Variants in B3GALT1 observed in about 807,000 individuals in gnomAD.
The protein encoded by B3GALT1 is UDP-Gal:betaGlcNAc beta 1,3-galactosyltransferase, polypeptide 1.
In B3GALT1, 10 loss-of-function variants were observed where a neutral mutation model predicts 23.2. That is an observed-to-expected ratio of 0.43 (90% confidence interval 0.27 to 0.73). The LOEUF is 0.73. Ranked by LOEUF, B3GALT1 falls within the 30% of genes least tolerant of loss-of-function variation. B3GALT1 has a pLI of 0.21. For synonymous variants in B3GALT1, 156 were observed against 141.5 expected (o/e 1.10, Z -0.73); for missense variants, 299 against 405.4 (o/e 0.74, Z 2.25).
rs576908510 is a variant in B3GALT1 at position 167,327,560 on chromosome 2, G to A, written c.-511+34226G>A. Among the ~76,000 whole-genome samples the A allele has an allele frequency of 2.0e-5, 3 of 152,034 alleles. No individual in the cohort carries two copies. The South Asian group carries it at 6.2e-4, about 32-fold the overall frequency. On this transcript the variant is annotated intron_variant, in intron 1 of 4. Transcript: ENST00000392690. ...GTGTATAGATATGCTACTGATTTTT[G>A]TATGTTGATTTTCTGTCCTGGAACT...
intron 2 of B3GALT1, among the ~76,000 whole-genome samples, chr2:167,565,122 G>C (rs1684129558): frequency 6.6e-6 from 1 of 152,174 alleles, no homozygotes; most frequent in African/African-American, 2.4e-5. Flanking sequence ...CAAGGCTACA[G>C]TAACCAAAAC....
At chr2:167,737,681 A>C (rs183454458) in intron 3 of B3GALT1, among the ~76,000 whole-genome samples, 22 of 152,322 alleles carry the variant, frequency 1.4e-4, no homozygotes, top group African/African-American at 4.8e-4. Context: ...CTGTCAATGG[A>C]GGGAACTGTA....
At chr2:167,680,299 C>A (rs949261106) in intron 3 of B3GALT1, among the ~76,000 whole-genome samples, 1 of 152,104 alleles carries the variant, frequency 6.6e-6, no homozygotes, top group African/African-American at 2.4e-5. Context: ...GGATTTGTTT[C>A]TACATTTCAG....
In B3GALT1 at chr2:167,457,691, G is replaced by A. The variant is rs182757671; in HGVS notation, c.-510-32486G>A. ...TGAGGACCAGCAGAATGGCTGTGGT[G>A]TAGGCTGCTCATCTTGACTGAATCA... On this transcript the variant is annotated intron_variant, in intron 1 of 4. Transcript: ENST00000392690. 3.7e-3 allele frequency among the ~76,000 whole-genome samples: 570 copies of A among 152,224 alleles called. 5 individuals are homozygous for A. Among genetic ancestry groups the A allele is most frequent in the South Asian group, 0.014 (67 of 4,824 alleles).
intron 3 of B3GALT1, among the ~76,000 whole-genome samples, chr2:167,693,464 A>T (rs1242374325): frequency 6.6e-6 from 1 of 152,120 alleles, no homozygotes; most frequent in Non-Finnish European, 1.5e-5. Context: ...ATAGAACTGT[A>T]GGCTTCATCC....
intron 1 of B3GALT1, among the ~76,000 whole-genome samples, chr2:167,325,781 G>A (rs113927300): frequency 2.0e-5 from 3 of 146,608 alleles, no homozygotes; most frequent in Admixed American, 6.9e-5. Context: ...GCAGTGGTGC[G>A]ATCTCAGCTC....
At chr2:167,655,356 GT>G (rs1490339407) in intron 3 of B3GALT1, among the ~76,000 whole-genome samples, 3 of 152,124 alleles carry the variant, frequency 2.0e-5, no homozygotes, top group African/African-American at 7.2e-5. Context: ...GAATTCAAGA[GT>G]TCAGAAGAAA....
chr2:167,551,829 G>A (rs1683753369), intron 2 of B3GALT1, among the ~76,000 whole-genome samples: 1 of 152,180 alleles, frequency 6.6e-6, no homozygotes, highest in African/African-American at 2.4e-5. Context: ...TATGTGAGAA[G>A]TGGCACTATG....
At chr2:167,557,410 A>G (rs1683873960) in intron 2 of B3GALT1, among the ~76,000 whole-genome samples, 1 of 152,190 alleles carries the variant, frequency 6.6e-6, no homozygotes, top group Admixed American at 6.5e-5. Context: ...AAATTACCTG[A>G]TTGAAATTTT....
At chr2:167,321,109 C>G (rs570231650) in intron 1 of B3GALT1, among the ~76,000 whole-genome samples, 1 of 152,068 alleles carries the variant, frequency 6.6e-6, no homozygotes, top group South Asian at 2.1e-4. Flanking sequence ...TCATGGCATT[C>G]TCTTTTAATA....
chr2:167,386,064 A>ATAT, intron 1 of B3GALT1, among the ~76,000 whole-genome samples: 1 of 152,322 alleles, frequency 6.6e-6, no homozygotes, highest in Admixed American at 6.5e-5. Context: ...AAACAGGTTA[A>ATAT]TTCCCTTCAA....
intron 3 of B3GALT1, among the ~76,000 whole-genome samples, chr2:167,647,257 C>T (rs1574188610): frequency 6.6e-6 from 1 of 152,266 alleles, no homozygotes; most frequent in Non-Finnish European, 1.5e-5. Flanking sequence ...AAATCCAACT[C>T]GACTATTTAC....
intron 3 of B3GALT1, among the ~76,000 whole-genome samples, chr2:167,647,347 G>A (rs1156922080): frequency 6.8e-6 from 1 of 147,508 alleles, no homozygotes; most frequent in African/African-American, 2.4e-5. Context: ...GCCCTGAGGG[G>A]TATACTTCCC....
Position 167,351,955 on chromosome 2 carries a change from ATTTT to A in B3GALT1, c.-511+58641_-511+58644del, listed in dbSNP as rs71031283. ...CTGTGAAAGGAGAAGGCTGTTTTTG[ATTTT>A]TTTTTTTTTTTTTTTTTTTGAGTCA... On this transcript the variant is annotated intron_variant, in intron 1 of 4. Transcript: ENST00000392690. Among the ~76,000 whole-genome samples the A allele has an allele frequency of 7.1e-3, 956 of 134,236 alleles. 10 individuals are homozygous for A. Among genetic ancestry groups the A allele is most frequent in the African/African-American group, 0.028 (872 of 31,476 alleles). 88.1% of individuals were successfully genotyped at this position (134,236 alleles called of 152,430 possible).
At chr2:167,419,024 G>A (rs2105300435) in intron 1 of B3GALT1, among the ~76,000 whole-genome samples, 1 of 152,286 alleles carries the variant, frequency 6.6e-6, no homozygotes, top group Admixed American at 6.5e-5. Context: ...GGCTCTGTGT[G>A]TAAAATGATT....
chr2:167,703,862 C>T (rs997471194), intron 3 of B3GALT1, among the ~76,000 whole-genome samples: 29 of 152,128 alleles, frequency 1.9e-4, no homozygotes, highest in African/African-American at 7.0e-4. Flanking sequence ...AAAAGCACCC[C>T]ATATGTCTTT....
At chr2:167,445,989 C>T (rs540596451) in intron 1 of B3GALT1, among the ~76,000 whole-genome samples, 10 of 152,188 alleles carry the variant, frequency 6.6e-5, no homozygotes, top group Non-Finnish European at 1.5e-4. Context: ...CATGTTTTTG[C>T]AGTGGCTGGT....
intron 2 of B3GALT1, among the ~76,000 whole-genome samples, chr2:167,592,368 G>A (rs982403805): frequency 3.9e-5 from 6 of 152,106 alleles, no homozygotes; most frequent in Admixed American, 1.3e-4. Flanking sequence ...TCCATGAAAC[G>A]GGCATTATGG....
At chr2:167,564,475 G>T (rs924889566) in intron 2 of B3GALT1, among the ~76,000 whole-genome samples, 1 of 152,188 alleles carries the variant, frequency 6.6e-6, no homozygotes, top group Non-Finnish European at 1.5e-5. Flanking sequence ...GCCGGGCAGA[G>T]GCTGCAATCT....
Sources: allele counts gnomAD v4.1 joint callset (sites outside exome capture counted in the v4.1 genomes callset), GRCh38; gene constraint gnomAD v4.1.1; transcripts MANE v1.5; gene names NCBI Gene and HGNC (gene_info 2026-07-23, HGNC 2026-07-21).